KCNH1: variants seen among roughly 807,000 people sequenced by gnomAD.
The protein encoded by KCNH1 is potassium voltage-gated channel subfamily H member 1.
In KCNH1, 27 loss-of-function variants were observed where a neutral mutation model predicts 69.2. The observed-to-expected ratio is 0.39, with a 90% CI of 0.29 to 0.54. The LOEUF is 0.54. KCNH1 is among the 20% of genes least tolerant of loss of function. The pLI is 0.68. For missense variants in KCNH1, 798 were observed against 1,261.6 expected (o/e 0.63, Z 5.57); for synonymous variants, 456 against 487.7 (o/e 0.93, Z 0.86).
At chr1:211,114,005 T>TAC (rs1491561882) in intron 1 of KCNH1, among the ~76,000 whole-genome samples, 44 of 113,442 alleles carry the variant, frequency 3.9e-4, no homozygotes, top group Admixed American at 9.9e-4. Flanking sequence ...CACACACACA[T>TAC]ACACACACAC....
At chr1:210,926,824 A>T (rs1323935208) in intron 6 of KCNH1, among the ~76,000 whole-genome samples, 1 of 152,150 alleles carries the variant, frequency 6.6e-6, no homozygotes, top group Non-Finnish European at 1.5e-5. Context: ...ACATGATACA[A>T]GATATGAAGG....
chr1:211,020,572 A>G (rs2102415140), intron 5 of KCNH1, among the ~76,000 whole-genome samples: 1 of 152,234 alleles, frequency 6.6e-6, no homozygotes, highest in Non-Finnish European at 1.5e-5. Flanking sequence ...TTAAAGAAGA[A>G]CTAGTACCAG....
Position 210,683,346 on chromosome 1 carries a change from C to G in KCNH1, c.2905G>C (p.Glu969Gln). The change falls in exon 11 of 11, where the codon GAG (glutamate) becomes CAG (glutamine). Residue 969 changes from glutamate to glutamine, a missense_variant. By Grantham distance (29) the Glu-to-Gln change is conservative. Around this residue, in one of 4 missense-constraint regions of KCNH1, gnomAD observed 331 missense variants for 363.2 expected, o/e 0.91. Transcript: ENST00000271751. The surrounding 1 kb of genome is among the most constrained non-coding windows in gnomAD (Gnocchi z 5.7). ...TGTGGCCTCGATATTTCAAACAACT[C>G]CTGAGGAGACTGAGAGGATCTTCTG... The part of the protein sequence containing the change: ...TSRRSSQSPQ[E>Q]LFEISRPQSP... The G allele has an allele frequency of 1.9e-6, 3 of 1,614,058 alleles. No homozygotes were observed. Among genetic ancestry groups the G allele is most frequent in the Non-Finnish European group, 2.5e-6 (3 of 1,180,002 alleles).
chr1:210,995,569 T>G lies in KCNH1; in HGVS notation c.1032+23214A>C, dbSNP rs1689016595. 1.3e-5 allele frequency among the ~76,000 whole-genome samples: 2 copies of G among 152,188 alleles called. 1 individual carries two copies. ...GCCCAGAAAGGCTGCAGAATTCAGA[T>G]AGCTAATAGGGTCCATTTATCATAT... is the stretch of plus-strand genomic sequence containing the variant. On this transcript the variant is annotated intron_variant, in intron 6 of 10. Coordinates refer to ENST00000271751, the MANE Select transcript of KCNH1 (RefSeq NM_172362.3).
At chr1:210,939,819 T>C (rs1277943444) in intron 6 of KCNH1, among the ~76,000 whole-genome samples, 1 of 152,212 alleles carries the variant, frequency 6.6e-6, no homozygotes, top group Non-Finnish European at 1.5e-5. Context: ...CCATTTGCCC[T>C]ATAGAGTCTA....
At chr1:210,827,928 C>A (rs1485866233) in intron 7 of KCNH1, among the ~76,000 whole-genome samples, 1 of 152,122 alleles carries the variant, frequency 6.6e-6, no homozygotes, top group Non-Finnish European at 1.5e-5. Context: ...GCAACCTTCA[C>A]CTCCCAGTAA....
At chr1:210,907,639 C>T (rs1244879695) in intron 7 of KCNH1, among the ~76,000 whole-genome samples, 2 of 152,108 alleles carry the variant, frequency 1.3e-5, no homozygotes, top group Non-Finnish European at 1.5e-5. Flanking sequence ...AGGGCATTTC[C>T]CCCACATTGG....
chr1:210,872,083 C>T (rs924774009), intron 7 of KCNH1, among the ~76,000 whole-genome samples: 16 of 129,440 alleles, frequency 1.2e-4, no homozygotes, highest in African/African-American at 4.7e-4. Flanking sequence ...AAAATATATA[C>T]ATAATATGAT....
At chr1:210,895,861 A>G (rs1016800758) in intron 7 of KCNH1, among the ~76,000 whole-genome samples, 4 of 152,162 alleles carry the variant, frequency 2.6e-5, no homozygotes, top group Admixed American at 6.6e-5. Context: ...ACATTCAGGC[A>G]CATGCATTTA....
intron 7 of KCNH1, among the ~76,000 whole-genome samples, chr1:210,811,536 G>T (rs1474249733): frequency 1.3e-5 from 2 of 151,976 alleles, no homozygotes; most frequent in Admixed American, 1.3e-4. Context: ...TGTCTTTATG[G>T]ATTTATGTTC....
chr1:210,953,497 C>A (rs1688102620), intron 6 of KCNH1, among the ~76,000 whole-genome samples: 1 of 152,150 alleles, frequency 6.6e-6, no homozygotes, highest in Admixed American at 6.6e-5. Context: ...TGGTTTTGCT[C>A]CAACTTTTCT....
At chr1:210,876,185 A>G (rs1436554292) in intron 7 of KCNH1, among the ~76,000 whole-genome samples, 4 of 152,214 alleles carry the variant, frequency 2.6e-5, no homozygotes, top group Non-Finnish European at 5.9e-5. Flanking sequence ...TTTTAAAAGA[A>G]CAGCAAAGAG....
intron 10 of KCNH1, among the ~76,000 whole-genome samples, chr1:210,700,497 C>A (rs1681747496): frequency 6.6e-6 from 1 of 152,196 alleles, no homozygotes; most frequent in Non-Finnish European, 1.5e-5. Context: ...CAATCTGCTG[C>A]CTTTCTTTCC....
At chr1:210,917,279 G>GAAAGA (rs1687364913) in intron 7 of KCNH1, among the ~76,000 whole-genome samples, 1 of 139,414 alleles carries the variant, frequency 7.2e-6, no homozygotes, top group Non-Finnish European at 1.6e-5. Flanking sequence ...AAGAAAGAAA[G>GAAAGA]AAAAGAAAAG....
intron 7 of KCNH1, chr1:210,860,652 C>A: frequency 1.3e-6 from 1 of 781,142 alleles, no homozygotes; most frequent in Non-Finnish European, 2.4e-6. Context: ...GAAGAGCCTG[C>A]ATTACAGGTC....
chr1:211,112,857 G>T (rs569984023), intron 1 of KCNH1, among the ~76,000 whole-genome samples: 1 of 152,270 alleles, frequency 6.6e-6, no homozygotes, highest in Admixed American at 6.5e-5. Context: ...TTCCTAGCAC[G>T]CACGTTCTCT....
intron 7 of KCNH1, among the ~76,000 whole-genome samples, chr1:210,856,105 GAA>G (rs1319739547): frequency 1.3e-5 from 2 of 152,082 alleles, no homozygotes; most frequent in Non-Finnish European, 2.9e-5. Flanking sequence ...GCCTGTTATA[GAA>G]AAAGAGTTCC....
chr1:211,044,216 T>C (rs1690051924), intron 5 of KCNH1, among the ~76,000 whole-genome samples: 1 of 152,204 alleles, frequency 6.6e-6, no homozygotes, highest in Non-Finnish European at 1.5e-5. Context: ...AAAGAGGTCC[T>C]AGAACTGATA....
chr1:211,103,742 CAA>C, intron 2 of KCNH1, 140 bp from the exon 3 acceptor site: 1 of 576,254 alleles, frequency 1.7e-6, no homozygotes, highest in Non-Finnish European at 3.0e-6. Flanking sequence ...ATCACTGACT[CAA>C]AAAAATTTAC....
Sources: allele counts gnomAD v4.1 joint callset (sites outside exome capture counted in the v4.1 genomes callset), GRCh38; gene constraint gnomAD v4.1.1; regional missense constraint gnomAD v4.1.1; non-coding constraint Gnocchi (gnomAD v3.1); transcripts MANE v1.5; gene names NCBI Gene and HGNC (gene_info 2026-07-23, HGNC 2026-07-21).